Variants in PKHD1L1 observed in about 807,000 individuals in gnomAD.
PKHD1L1 encodes the protein fibrocystin-L.
In PKHD1L1, 434 loss-of-function variants were observed where a neutral mutation model predicts 462.9. The ratio of observed to expected loss-of-function variants is 0.94; its 90% CI spans 0.87 to 1.02. The LOEUF (loss-of-function observed/expected upper bound fraction) is 1.02. PKHD1L1 is among the 50% of genes least tolerant of loss of function. The probability of loss-of-function intolerance (pLI) is 0.00; values close to 1 mark genes in which losing one functional copy is unlikely to be tolerated. For synonymous variants in PKHD1L1, 1,781 were observed against 1,750.0 expected (o/e 1.02, Z -0.44); for missense variants, 5,202 against 5,096.1 (o/e 1.02, Z -0.63).
chr8:109,428,123 G>A (rs1196211510), intron 25 of PKHD1L1, among the ~76,000 whole-genome samples: 1 of 151,244 alleles, frequency 6.6e-6, no homozygotes, highest in African/African-American at 2.4e-5. Context: ...ATGAAAATTA[G>A]GACAACCTTT....
At chr8:109,466,987 C>T (rs1050099856) in intron 50 of PKHD1L1, among the ~76,000 whole-genome samples, 15 of 152,014 alleles carry the variant, frequency 9.9e-5, no homozygotes, top group African/African-American at 3.6e-4. Context: ...GATCAAGAAA[C>T]CTCCAGACAA....
At chr8:109,379,690 A>G (rs991037603) in intron 2 of PKHD1L1, among the ~76,000 whole-genome samples, 46 of 152,228 alleles carry the variant, frequency 3.0e-4, no homozygotes, top group Non-Finnish European at 2.9e-4. Flanking sequence ...TGCCTTTGCA[A>G]CCTTACATTC....
At chr8:109,447,805 G>A (rs1186775551) in intron 38 of PKHD1L1, among the ~76,000 whole-genome samples, 1 of 152,180 alleles carries the variant, frequency 6.6e-6, no homozygotes, top group African/African-American at 2.4e-5. Context: ...TCTAACCCAT[G>A]CTGCTCAGAC....
intron 43 of PKHD1L1, among the ~76,000 whole-genome samples, chr8:109,453,736 T>G (rs1263947822): frequency 1.3e-5 from 2 of 152,222 alleles, no homozygotes; most frequent in Non-Finnish European, 2.9e-5. Context: ...CTGTTGAGAG[T>G]GCAAATTAAT....
Position 109,394,402 on chromosome 8 carries a change from C to CT in PKHD1L1, c.741-6dup, listed in dbSNP as rs754124635. ...GATCATTTAAAGCAGAAAATTTAAT[C>CT]TTTTTTTAACAGGAGTTTTCCACAG... On this transcript the variant is annotated splice_polypyrimidine_tract_variant and intron_variant, in intron 9 of 77. Coordinates refer to ENST00000378402, the MANE Select transcript of PKHD1L1 (RefSeq NM_177531.6). 21 of 1,444,396 alleles carry CT rather than the reference C, an allele frequency of 1.5e-5. No individual in the cohort carries two copies. The highest frequency in any genetic ancestry group is 1.3e-4 in the South Asian group (9 of 70,512). The allele number at this position is 1,444,396 out of a possible 1,614,324, so 89.5% of individuals were successfully genotyped here.
At chr8:109,390,427 A>G in intron 8 of PKHD1L1, 25 bp from the exon 9 acceptor site, 1 of 1,334,040 alleles carries the variant, frequency 7.5e-7, no homozygotes. Flanking sequence ...AATTTAATTG[A>G]TTGTGTATTT....
At chr8:109,398,739 C>T (rs1813102196) in intron 12 of PKHD1L1, among the ~76,000 whole-genome samples, 191 bp downstream of exon 12, 1 of 151,916 alleles carries the variant, frequency 6.6e-6, no homozygotes, top group Non-Finnish European at 1.5e-5. Context: ...CAAAGCTGTA[C>T]CTATGGAGAA....
Position 109,464,116 on chromosome 8 carries a change from A to G in PKHD1L1, c.7384-100A>G, listed in dbSNP as rs573165898. 6.8e-5 allele frequency: 34 copies of G among 497,440 alleles called. 2 individuals are homozygous for G. The highest frequency in any genetic ancestry group is 6.8e-4 in the African/African-American group (31 of 45,452). The allele number at this position is 497,440 out of a possible 1,614,324, so 30.8% of individuals were successfully genotyped here. A position where few individuals can be genotyped will look rare whatever the true frequency, so the allele number is the denominator to read the frequency against. ...CATGAAAAATTTGGAAGAAATAAATATATTAATAATAATATAAAATTAGAT... is the reference window on the plus strand; with the variant it reads ...CATGAAAAATTTGGAAGAAATAAATGTATTAATAATAATATAAAATTAGAT... On this transcript the variant is annotated intron_variant, in intron 48 of 77. Transcript: ENST00000378402.
intron 24 of PKHD1L1, among the ~76,000 whole-genome samples, chr8:109,425,626 G>A (rs1448815973): frequency 2.0e-5 from 3 of 151,838 alleles, no homozygotes; most frequent in African/African-American, 7.3e-5. Context: ...ACTTTCATAA[G>A]TCAAAACTTT....
chr8:109,494,545 C>A (rs538197936), intron 63 of PKHD1L1, among the ~76,000 whole-genome samples: 1 of 152,020 alleles, frequency 6.6e-6, no homozygotes, highest in East Asian at 1.9e-4. Context: ...CACTAGACTA[C>A]TCGAAGAAAG....
chr8:109,446,335 T>C (rs1468023099), intron 38 of PKHD1L1, among the ~76,000 whole-genome samples: 1 of 152,198 alleles, frequency 6.6e-6, no homozygotes, highest in Non-Finnish European at 1.5e-5. Flanking sequence ...TCTCAAATGG[T>C]TCAAATTTTG....
intron 38 of PKHD1L1, 150 bp from the exon 39 acceptor site, chr8:109,447,993 A>G (rs1816248977): frequency 1.5e-6 from 1 of 668,048 alleles, no homozygotes. Flanking sequence ...GTCAAAATGT[A>G]TTGTATGACA....
chr8:109,427,862 A>C (rs891740167), intron 25 of PKHD1L1, among the ~76,000 whole-genome samples: 1 of 151,988 alleles, frequency 6.6e-6, no homozygotes, highest in Non-Finnish European at 1.5e-5. Context: ...TACTAAAAAT[A>C]CAAAATTAGC....
intron 25 of PKHD1L1, 103 bp downstream of exon 25, chr8:109,427,259 A>G: frequency 1.1e-6 from 1 of 914,440 alleles, no homozygotes; most frequent in East Asian, 2.7e-5. Context: ...TATTATAAAA[A>G]TTCAAACCAT....
At chr8:109,444,124 C>CT (rs1554578299) in intron 37 of PKHD1L1, among the ~76,000 whole-genome samples, 1 of 151,180 alleles carries the variant, frequency 6.6e-6, no homozygotes, top group Admixed American at 6.6e-5. Flanking sequence ...CTCCCCCCCC[C>CT]AAAAAAAACC....
intron 59 of PKHD1L1, among the ~76,000 whole-genome samples, chr8:109,488,966 G>A (rs1018571859): frequency 5.9e-5 from 9 of 151,922 alleles, no homozygotes; most frequent in East Asian, 1.9e-4. Context: ...CAAATTCAGC[G>A]ATGAACCCTA....
chr8:109,487,254 C>T (rs1004458369), intron 59 of PKHD1L1, among the ~76,000 whole-genome samples: 1 of 151,940 alleles, frequency 6.6e-6, no homozygotes, highest in Admixed American at 6.6e-5. Flanking sequence ...CACCTCCATC[C>T]ACTTTCTTCA....
chr8:109,436,323 G>C lies in PKHD1L1; in HGVS notation c.3506-15G>C. 1.3e-6 allele frequency: 2 copies of C among 1,596,696 alleles called. No homozygotes were observed. Among genetic ancestry groups the C allele is most frequent in the Non-Finnish European group, 1.7e-6 (2 of 1,175,540 alleles). ...AACTGTTTTGTTGTTGTTTTTGTTT[G>C]CTTTTCTTATGAAGGTGGTACTCTA... On this transcript the variant is annotated splice_polypyrimidine_tract_variant and intron_variant, in intron 29 of 77. Transcript: ENST00000378402.
intron 17 of PKHD1L1, among the ~76,000 whole-genome samples, chr8:109,407,636 T>G (rs749814259): frequency 2.0e-5 from 3 of 152,182 alleles, no homozygotes; most frequent in Admixed American, 6.6e-5. Context: ...AATTCAGCTT[T>G]GTGCCCTATT....
Sources: allele counts gnomAD v4.1 joint callset (sites outside exome capture counted in the v4.1 genomes callset), GRCh38; gene constraint gnomAD v4.1.1; transcripts MANE v1.5; gene names NCBI Gene and HGNC (gene_info 2026-07-23, HGNC 2026-07-21).